The following CCZ1B variants were observed in gnomAD, a reference collection of about 807,000 sequenced individuals.
The protein encoded by CCZ1B is CCZ1B vacuolar protein trafficking and biogenesis associated, also known as vacuolar fusion protein CCZ1 homolog B.
Under a neutral mutation model 58.8 loss-of-function variants are expected in CCZ1B, and 25 were observed. That is an observed-to-expected ratio of 0.43 (90% CI 0.31 to 0.59). CCZ1B has a LOEUF of 0.59. Among genes scored for constraint, CCZ1B ranks in the 20% least tolerant of loss-of-function variants. The pLI, the probability that CCZ1B is intolerant of heterozygous loss-of-function variation, is 0.12. For synonymous variants in CCZ1B, 66 were observed against 173.2 expected, an observed-to-expected ratio of 0.38 and a Z score of 4.86; for missense variants, 180 against 501.5, an observed-to-expected ratio of 0.36 and a Z score of 6.12.
intron 7 of CCZ1B, among the ~76,000 whole-genome samples, chr7:6,817,762 C>T (rs1030030350): frequency 2.0e-5 from 3 of 149,812 alleles, no homozygotes; most frequent in Non-Finnish European, 4.4e-5. Flanking sequence ...CACCTGTAAT[C>T]CCAGCACTGG....
chr7:6,823,220 C>G (rs1783138877), intron 5 of CCZ1B, 93 bp downstream of exon 5: 1 of 1,517,926 alleles, frequency 6.6e-7, no homozygotes, highest in Non-Finnish European at 9.0e-7. Context: ...AGTCACTTTG[C>G]AGTCATTTAT....
In CCZ1B at chr7:6,812,443, C is replaced by G. The variant is rs552508078; in HGVS notation, c.843-380G>C. The G allele has an allele frequency of 1.4e-5, 4 of 278,738 alleles. No individual in the cohort carries two copies. The East Asian group carries it at 3.4e-4, about 24-fold the overall frequency. 17.3% of individuals were successfully genotyped at this position (278,738 alleles called of 1,614,324 possible). ...GATGGAGGCTGCAGTGAGCTGAGAT[C>G]GTGCCACTGTACTCCACACTCCAGC... On this transcript the variant is annotated intron_variant, in intron 9 of 14. Transcript: ENST00000316731.
chr7:6,820,072 T>G (rs908418497), intron 6 of CCZ1B, 131 bp from the exon 7 acceptor site: 3 of 1,330,870 alleles, frequency 2.3e-6, no homozygotes, highest in African/African-American at 3.0e-5. Flanking sequence ...AGCACAACAA[T>G]GAGGCCGTGG....
chr7:6,820,407 T>C (rs1783089664), intron 6 of CCZ1B, among the ~76,000 whole-genome samples: 1 of 149,132 alleles, frequency 6.7e-6, no homozygotes, highest in Non-Finnish European at 1.5e-5. Context: ...CTCAATCTCC[T>C]GACTCGTGAT....
At chr7:6,825,505 C>G (rs1783181099) in intron 1 of CCZ1B, among the ~76,000 whole-genome samples, 3 of 135,052 alleles carry the variant, frequency 2.2e-5, no homozygotes, top group African/African-American at 9.1e-5. Flanking sequence ...CCATCTCGGC[C>G]TCCTAAAGTG....
At chr7:6,803,892 T>G (rs1782796464) in intron 12 of CCZ1B, among the ~76,000 whole-genome samples, 1 of 146,794 alleles carries the variant, frequency 6.8e-6, no homozygotes, top group Non-Finnish European at 1.5e-5. Flanking sequence ...GAGGTTGCAG[T>G]GAGCTGAGAA....
rs1267327176 is a variant in CCZ1B at position 6,821,257 on chromosome 7, G to A, written c.522+1024C>T. Among the ~76,000 whole-genome samples, 5 of 149,818 alleles carry A rather than the reference G, an allele frequency of 3.3e-5. No homozygotes were observed. The South Asian group carries it at 6.3e-4, about 19-fold the overall frequency. On this transcript the variant is annotated intron_variant, in intron 6 of 14. Coordinates refer to ENST00000316731, the MANE Select transcript of CCZ1B (RefSeq NM_198097.5). ...GAACTCATGACCTCAAGATCTGCCC[G>A]CCTCGGCCTCCCAAAGTGCTGGGAT...
In CCZ1B at chr7:6,819,960, G is replaced by A. The variant is rs767414412; in HGVS notation, c.523-19C>T. 1 of 1,605,758 alleles carries A rather than the reference G, an allele frequency of 6.2e-7. No individual in the cohort carries two copies. The highest frequency in any genetic ancestry group is 1.1e-5 in the South Asian group (1 of 90,436). On this transcript the variant is annotated intron_variant, in intron 6 of 14. Transcript: ENST00000316731. ...GCAAATACTGTGGAAAAAAAATAAG[G>A]CATAAAATTTACTAATAGTACACTG...
At chr7:6,809,041 CATT>C (rs1782879072) in intron 10 of CCZ1B, among the ~76,000 whole-genome samples, 1 of 139,298 alleles carries the variant, frequency 7.2e-6, no homozygotes, top group African/African-American at 2.8e-5. Flanking sequence ...AATTTATAAA[CATT>C]ATCACAGGCA....
intron 8 of CCZ1B, among the ~76,000 whole-genome samples, chr7:6,814,474 T>A (rs58242918): frequency 2.1e-5 from 3 of 142,416 alleles, no homozygotes; most frequent in African/African-American, 7.7e-5. Flanking sequence ...CCATCCCAGG[T>A]GAAAGTTCGA....
At position 6,822,695 on chromosome 7, in the gene CCZ1B, A is replaced by T. The variant is rs571115722; in HGVS notation, c.439-331T>A. ...GTTCTGTTAATAAATGGAATCACCAAACTTTTTATCCTTTTTTTTTTTTTT... is the reference window on the plus strand; with the variant it reads ...GTTCTGTTAATAAATGGAATCACCATACTTTTTATCCTTTTTTTTTTTTTT... On this transcript the variant is annotated intron_variant, in intron 5 of 14. Coordinates refer to ENST00000316731, the MANE Select transcript of CCZ1B (RefSeq NM_198097.5). Among the ~76,000 whole-genome samples the T allele has an allele frequency of 4.7e-4, 66 of 141,208 alleles. 3 individuals are homozygous for T. Among genetic ancestry groups the T allele is most frequent in the African/African-American group, 1.7e-3 (61 of 36,400 alleles). The allele number at this position is 141,208 out of a possible 152,430, so 92.6% of individuals were successfully genotyped here.
chr7:6,815,723 TA>T (rs1298043148), intron 7 of CCZ1B, among the ~76,000 whole-genome samples: 1 of 149,178 alleles, frequency 6.7e-6, no homozygotes, highest in Non-Finnish European at 1.5e-5. Flanking sequence ...TGCAAAAGGC[TA>T]CTCCTACAGT....
At chr7:6,820,720 G>A (rs1042025669) in intron 6 of CCZ1B, among the ~76,000 whole-genome samples, 3 of 148,628 alleles carry the variant, frequency 2.0e-5, no homozygotes, top group Admixed American at 6.7e-5. Flanking sequence ...TCAGGAGTTT[G>A]AGACCAGCCT....
intron 7 of CCZ1B, among the ~76,000 whole-genome samples, chr7:6,818,723 G>C (rs1318772628): frequency 6.9e-6 from 1 of 145,596 alleles, no homozygotes; most frequent in African/African-American, 2.7e-5. Flanking sequence ...AAGAAAGAAA[G>C]AAAGAAAGAA....
At chr7:6,818,400 T>A (rs1370906741) in intron 7 of CCZ1B, among the ~76,000 whole-genome samples, 1 of 148,960 alleles carries the variant, frequency 6.7e-6, no homozygotes, top group East Asian at 1.9e-4. Flanking sequence ...AATACAAAAA[T>A]TAGCCGGGCA....
At position 6,822,734 on chromosome 7, in the gene CCZ1B, C is replaced by T. The variant is rs1329509517; in HGVS notation, c.439-370G>A. Among the ~76,000 whole-genome samples, 3 of 102,630 alleles carry T rather than the reference C, an allele frequency of 2.9e-5. 1 individual carries two copies. The highest frequency in any genetic ancestry group is 2.2e-4 in the Admixed American group (2 of 9,072). 67.3% of individuals were successfully genotyped at this position (102,630 alleles called of 152,430 possible). A position where few individuals can be genotyped will look rare whatever the true frequency, so the allele number is the denominator to read the frequency against. On this transcript the variant is annotated intron_variant, in intron 5 of 14. Coordinates refer to ENST00000316731, the MANE Select transcript of CCZ1B (RefSeq NM_198097.5). ...TTTTTTTTTTTTTGAGATGGAATCT[C>T]GCTGTTGCCCAGGGTAGAGTGCAGT...
In CCZ1B at chr7:6,817,778, C is replaced by T. The variant is rs138303624; in HGVS notation, c.698+1988G>A. Among the ~76,000 whole-genome samples, 402 of 149,658 alleles carry T rather than the reference C, an allele frequency of 2.7e-3. 14 individuals are homozygous for T. Among genetic ancestry groups the T allele is most frequent in the Non-Finnish European group, 4.4e-3 (296 of 67,624 alleles). ...ACCTGTAATCCCAGCACTGGGAGGC[C>T]GAGGTGGGCGGATCCTTTGAGGTCA... is the stretch of plus-strand genomic sequence containing the variant. On this transcript the variant is annotated intron_variant, in intron 7 of 14. Transcript: ENST00000316731.
At chr7:6,823,251 C>G (rs1783139296) in intron 5 of CCZ1B, 62 bp downstream of exon 5, 1 of 1,594,930 alleles carries the variant, frequency 6.3e-7, no homozygotes, top group East Asian at 2.2e-5. Flanking sequence ...TTAAACAACC[C>G]TGGAGCCTAG....
intron 7 of CCZ1B, among the ~76,000 whole-genome samples, chr7:6,818,468 G>C (rs1051505054): frequency 6.7e-6 from 1 of 149,176 alleles, no homozygotes; most frequent in African/African-American, 2.5e-5. Context: ...AGAATCGCTT[G>C]AACCCAGGAA....
Sources: gnomAD v4.1 joint callset for allele counts (sites outside exome capture counted in the v4.1 genomes callset) on GRCh38, gnomAD v4.1.1 for gene constraint, MANE v1.5 for transcripts, NCBI Gene and HGNC (gene_info 2026-07-23, HGNC 2026-07-21) for gene names.